PTPRB: variants seen among roughly 807,000 people sequenced by gnomAD.
The protein encoded by PTPRB is protein tyrosine phosphatase receptor type B.
Under a neutral mutation model 238.1 loss-of-function variants are expected in PTPRB, and 97 were observed. The ratio of observed to expected loss-of-function variants is 0.41; its 90% confidence interval spans 0.35 to 0.48. PTPRB has a LOEUF of 0.48. Among genes scored for constraint, PTPRB ranks in the 20% least tolerant of loss-of-function variants. The pLI, the probability that PTPRB is intolerant of heterozygous loss-of-function variation, is 0.30. For missense variants in PTPRB, 2,292 were observed against 2,681.9 expected (o/e 0.85, Z 3.21); for synonymous variants, 970 against 995.4 (o/e 0.97, Z 0.48).
intron 3 of PTPRB, among the ~76,000 whole-genome samples, chr12:70,610,174 G>A (rs1418095564): frequency 6.6e-6 from 1 of 152,170 alleles, no homozygotes. Context: ...AGGGAGCCCC[G>A]AGGAGCCAAC....
chr12:70,573,174 A>G (rs1373826184), intron 11 of PTPRB, among the ~76,000 whole-genome samples: 3 of 152,208 alleles, frequency 2.0e-5, no homozygotes, highest in Admixed American at 6.5e-5. Context: ...AAGATATTAA[A>G]TACTACATTA....
At chr12:70,581,402 A>C (rs1359975484) in intron 9 of PTPRB, 100 bp from the exon 10 acceptor site, 2 of 1,273,988 alleles carry the variant, frequency 1.6e-6, no homozygotes, top group East Asian at 2.5e-5. Flanking sequence ...GAAAGTACTA[A>C]AAATAATTTT....
intron 14 of PTPRB, among the ~76,000 whole-genome samples, chr12:70,567,228 T>G (rs1879417908): frequency 6.6e-6 from 1 of 152,226 alleles, no homozygotes. Context: ...TAGGTTCATT[T>G]CTTTTCTCAT....
At chr12:70,531,563 C>A (rs1402708702) in intron 32 of PTPRB, among the ~76,000 whole-genome samples, 1 of 152,082 alleles carries the variant, frequency 6.6e-6, no homozygotes, top group African/African-American at 2.4e-5. Context: ...AGCTTTTGGA[C>A]CTTCATTTTC....
chr12:70,599,652 A>G (rs772720552), intron 4 of PTPRB, among the ~76,000 whole-genome samples: 1 of 152,212 alleles, frequency 6.6e-6, no homozygotes, highest in African/African-American at 2.4e-5. Context: ...TATAATATTC[A>G]TTGTATATAC....
chr12:70,595,915 C>G, intron 5 of PTPRB, 134 bp downstream of exon 5: 1 of 861,562 alleles, frequency 1.2e-6, no homozygotes, highest in Non-Finnish European at 1.7e-6. Flanking sequence ...CCCACAAGCT[C>G]CTTTTAAAAA....
intron 2 of PTPRB, among the ~76,000 whole-genome samples, chr12:70,624,421 T>TG (rs1418502280): frequency 2.0e-5 from 3 of 152,190 alleles, no homozygotes; most frequent in Non-Finnish European, 4.4e-5. Flanking sequence ...CCGCTATTAC[T>TG]GCCTTTGTGC....
intron 15 of PTPRB, among the ~76,000 whole-genome samples, chr12:70,564,002 G>A (rs1013146919): frequency 6.6e-6 from 1 of 152,076 alleles, no homozygotes; most frequent in African/African-American, 2.4e-5. Flanking sequence ...CTGTCCATCT[G>A]CATCCCCACC....
intron 21 of PTPRB, among the ~76,000 whole-genome samples, chr12:70,545,542 TAAGA>T (rs1875827778): frequency 6.6e-6 from 1 of 151,952 alleles, no homozygotes; most frequent in African/African-American, 2.4e-5. Context: ...AATAGCAAAA[TAAGA>T]AAGCATATAT....
intron 4 of PTPRB, among the ~76,000 whole-genome samples, chr12:70,598,085 C>A (rs531850803): frequency 3.3e-4 from 50 of 152,264 alleles, no homozygotes; most frequent in African/African-American, 1.1e-3. Flanking sequence ...GCTTGGAAGA[C>A]AAGGTTGCAT....
Position 70,555,148 on chromosome 12 carries a change from A to G in PTPRB, c.5143+12T>C. The G allele has an allele frequency of 1.2e-6, 2 of 1,612,752 alleles. No homozygotes were observed. Among genetic ancestry groups the G allele is most frequent in the African/African-American group, 2.7e-5 (2 of 75,008 alleles). On this transcript the variant is annotated intron_variant, in intron 20 of 33. Transcript: ENST00000334414. ...CTGTGTCTCAGAGTGGAGTTAACTC[A>G]TGATAACTTACCATCAGCCTCTCTC...
At chr12:70,612,916 C>T (rs908550973) in intron 3 of PTPRB, among the ~76,000 whole-genome samples, 2 of 152,068 alleles carry the variant, frequency 1.3e-5, no homozygotes, top group African/African-American at 4.8e-5. Context: ...AACCCCAGGA[C>T]GCAGAGGTTG....
chr12:70,560,849 G>C lies in PTPRB; in HGVS notation c.4254C>G (p.Asp1418Glu). The C allele has an allele frequency of 6.2e-7, 1 of 1,613,938 alleles. No homozygotes were observed. The change falls in exon 17 of 34, where the codon GAC becomes GAG. Residue 1418 changes from aspartate to glutamate, a missense_variant. Asp to Glu is a conservative substitution (Grantham distance 45). Around this residue, in one of 4 missense-constraint regions of PTPRB, gnomAD observed 683 missense variants for 862.0 expected, o/e 0.79. Coordinates refer to ENST00000334414, the MANE Select transcript of PTPRB (RefSeq NM_001109754.4). The surrounding 1 kb of genome is among the most constrained non-coding windows in gnomAD (Gnocchi z 4.2). ...AGAGAATCAGCTCATAAAAGTCAAA[G>C]TCCCCAGAGGCTGGACTCCAGTTGA... is the stretch of plus-strand genomic sequence containing the variant. Reference protein sequence around the residue: ...LWFNWSPASGDFDFYELILYN... With the variant: ...LWFNWSPASGEFDFYELILYN...
At chr12:70,593,209 A>T (rs945200924) in intron 6 of PTPRB, among the ~76,000 whole-genome samples, 4 of 152,162 alleles carry the variant, frequency 2.6e-5, no homozygotes, top group African/African-American at 9.7e-5. Context: ...TAAATTAATG[A>T]AGCTTCCTTA....
In PTPRB at chr12:70,538,219, C is replaced by T. The variant is rs773098818; in HGVS notation, c.5882G>A (p.Arg1961Gln). The part of the protein sequence containing the change: ...YNNILPYDAT[R>Q]VKLSNVDDDP... The stretch of plus-strand genomic sequence containing the variant: ...ATCATCTACATTGGAGAGCTTCACT[C>T]GCGTGGCATCATCTGGAAGGAGAGA... Residue 1961 changes from arginine (R) to glutamine (Q), a missense_variant, in exon 28 of 34, where the codon CGA becomes CAA. Arg to Gln is a conservative substitution (Grantham distance 43). Around this residue, in one of 4 missense-constraint regions of PTPRB, gnomAD observed 397 missense variants for 502.0 expected, o/e 0.79. Transcript: ENST00000334414. 2.5e-6 allele frequency: 4 copies of T among 1,613,284 alleles called. No homozygotes were observed. The highest frequency in any genetic ancestry group is 2.5e-6 in the Non-Finnish European group (3 of 1,179,652).
Position 70,596,160 on chromosome 12 carries a change from A to G in PTPRB, c.1147T>C (p.Trp383Arg), listed in dbSNP as rs781390881. 2.5e-6 allele frequency: 4 copies of G among 1,613,720 alleles called. No homozygotes were observed. The South Asian group carries it at 4.4e-5, about 18-fold the overall frequency. Residue 383 changes from tryptophan (W) to arginine (R), a missense_variant, in exon 5 of 34, where the codon TGG (tryptophan) becomes CGG (arginine). Trp to Arg is a moderately radical substitution (Grantham distance 101). Transcript: ENST00000334414. Reference protein sequence around the residue: ...QGVQIQESTSWNEYTFFNLTA... With the variant: ...QGVQIQESTSRNEYTFFNLTA... ...AGATTGAAAAAAGTGTATTCATTCC[A>G]TGAAGTACTTTCTTGAATTTGAACC...
At chr12:70,593,170 AC>A (rs1427397116) in intron 6 of PTPRB, among the ~76,000 whole-genome samples, 1 of 152,156 alleles carries the variant, frequency 6.6e-6, no homozygotes, top group Non-Finnish European at 1.5e-5. Context: ...AAAAGGAGAT[AC>A]CCTTTGGTGA....
chr12:70,577,283 G>C (rs1880890663), intron 10 of PTPRB, among the ~76,000 whole-genome samples: 1 of 152,128 alleles, frequency 6.6e-6, no homozygotes, highest in East Asian at 1.9e-4. Context: ...CCAACCAAGG[G>C]CAGAGAGAAC....
chr12:70,563,663 A>G (rs1271346582), intron 15 of PTPRB, among the ~76,000 whole-genome samples: 1 of 152,180 alleles, frequency 6.6e-6, no homozygotes, highest in Non-Finnish European at 1.5e-5. Context: ...GCTCAAATCC[A>G]TATTTCCAAA....
Sources: gnomAD v4.1 joint callset for allele counts (sites outside exome capture counted in the v4.1 genomes callset) on GRCh38, gnomAD v4.1.1 for gene constraint, gnomAD v4.1.1 regional missense constraint, Gnocchi (gnomAD v3.1) non-coding constraint, MANE v1.5 for transcripts, NCBI Gene and HGNC (gene_info 2026-07-23, HGNC 2026-07-21) for gene names.